Variants in ZBTB20 observed in about 807,000 individuals in gnomAD.
ZBTB20 encodes zinc finger and BTB domain containing 20, also known as zinc finger and BTB domain-containing protein 20.
ZBTB20 carries 9 observed loss-of-function variants against 56.9 expected under a neutral mutation model. The ratio of observed to expected loss-of-function variants is 0.16; its 90% CI spans 0.10 to 0.28. The LOEUF (loss-of-function observed/expected upper bound fraction) is 0.28. ZBTB20 is among the 10% of genes least tolerant of loss of function. The probability of loss-of-function intolerance (pLI) is 1.00; values close to 1 mark genes in which losing one functional copy is unlikely to be tolerated. For synonymous variants in ZBTB20, 417 were observed against 420.7 expected (o/e 0.99, Z 0.11); for missense variants, 655 against 1,003.0 (o/e 0.65, Z 4.69).
chr3:114,841,768 G>A (rs935136397), intron 4 of ZBTB20, among the ~76,000 whole-genome samples: 13 of 152,116 alleles, frequency 8.5e-5, no homozygotes, highest in Non-Finnish European at 1.8e-4. Flanking sequence ...AAGAGAAGAG[G>A]TCTAGAAGGC....
chr3:115,043,603 A>AAATAAAATAAAATAG, intron 2 of ZBTB20, among the ~76,000 whole-genome samples: 1 of 146,866 alleles, frequency 6.8e-6, no homozygotes, highest in Admixed American at 6.8e-5. Flanking sequence ...AAATAAAATA[A>AAATAAAATAAAATAG]AATAAAATAA....
At chr3:114,720,776 G>C (rs924030334) in intron 5 of ZBTB20, among the ~76,000 whole-genome samples, 1 of 152,026 alleles carries the variant, frequency 6.6e-6, no homozygotes, top group Non-Finnish European at 1.5e-5. Context: ...AGATGCTATT[G>C]GGTAAATAAT....
intron 5 of ZBTB20, among the ~76,000 whole-genome samples, chr3:114,728,898 C>A (rs181017269): frequency 3.1e-4 from 47 of 152,162 alleles, no homozygotes; most frequent in Non-Finnish European, 5.6e-4. Context: ...TGAGAAGTGT[C>A]TTTTCATGTC....
intron 5 of ZBTB20, among the ~76,000 whole-genome samples, chr3:114,767,243 G>T (rs2068848327): frequency 6.6e-6 from 1 of 151,950 alleles, no homozygotes. Flanking sequence ...TAAGGAATAG[G>T]TTTTGCATAG....
chr3:114,499,703 C>T (rs905701735), intron 7 of ZBTB20, among the ~76,000 whole-genome samples: 2 of 152,040 alleles, frequency 1.3e-5, no homozygotes, highest in East Asian at 1.9e-4. Context: ...AAATAATGAA[C>T]GTTCTCTTTT....
intron 2 of ZBTB20, among the ~76,000 whole-genome samples, chr3:114,981,876 C>T (rs1473355218): frequency 6.6e-6 from 1 of 151,948 alleles, no homozygotes; most frequent in African/African-American, 2.4e-5. Context: ...GATGGTTTTT[C>T]TTGTGTGTTA....
chr3:114,535,678 G>A (rs1421286346), intron 6 of ZBTB20, among the ~76,000 whole-genome samples: 1 of 152,142 alleles, frequency 6.6e-6, no homozygotes, highest in Non-Finnish European at 1.5e-5. Context: ...ACCTGGCAGA[G>A]TCACAACAAA....
intron 6 of ZBTB20, among the ~76,000 whole-genome samples, chr3:114,549,165 C>G (rs1306042860): frequency 6.6e-6 from 1 of 152,156 alleles, no homozygotes; most frequent in African/African-American, 2.4e-5. Context: ...CACTAAATAT[C>G]TAATCAAAGA....
chr3:114,858,428 A>G (rs1412364695), intron 4 of ZBTB20, among the ~76,000 whole-genome samples: 1 of 152,164 alleles, frequency 6.6e-6, no homozygotes, highest in East Asian at 1.9e-4. Context: ...AGCTTGATGA[A>G]GAGAACATGA....
chr3:114,841,609 G>A (rs1032377358), intron 4 of ZBTB20, among the ~76,000 whole-genome samples: 1 of 152,166 alleles, frequency 6.6e-6, no homozygotes, highest in Non-Finnish European at 1.5e-5. Context: ...CCAGGTGATT[G>A]ACTGCATGTG....
chr3:114,614,163 A>G (rs1168677482), intron 6 of ZBTB20, among the ~76,000 whole-genome samples: 1 of 152,218 alleles, frequency 6.6e-6, no homozygotes, highest in Non-Finnish European at 1.5e-5. Flanking sequence ...TGGAGCTTAT[A>G]GATGTCTACA....
chr3:114,492,007 A>G (rs983322254), intron 7 of ZBTB20, among the ~76,000 whole-genome samples: 1 of 152,106 alleles, frequency 6.6e-6, no homozygotes, highest in African/African-American at 2.4e-5. Context: ...CACATCACTG[A>G]CCACTACCTT....
rs2079164184 is a variant in ZBTB20 at position 114,329,407 on chromosome 3, A to G, written c.*9598T>C. On this transcript the variant is annotated 3_prime_UTR_variant, in exon 12 of 12. Coordinates refer to ENST00000675478, the MANE Select transcript of ZBTB20 (RefSeq NM_001348800.3). The stretch of plus-strand genomic sequence containing the variant: ...TTTATTCAACTGAGGCTTTCCATGC[A>G]TTGGGTTGAATAGCTGAGGGAAGCT... The G allele has an allele frequency of 6.6e-6, 1 of 152,138 alleles. No homozygotes were observed. Among genetic ancestry groups the G allele is most frequent in the Non-Finnish European group, 1.5e-5 (1 of 68,020 alleles). The allele number at this position is 152,138 out of a possible 1,614,324, so 9.4% of individuals were successfully genotyped here.
chr3:114,520,408 T>C (rs1356481346), intron 6 of ZBTB20, among the ~76,000 whole-genome samples: 3 of 152,168 alleles, frequency 2.0e-5, no homozygotes, highest in Non-Finnish European at 2.9e-5. Context: ...TTGTTCGGCA[T>C]GAGATTTTGA....
intron 7 of ZBTB20, among the ~76,000 whole-genome samples, chr3:114,453,216 T>C (rs1237854596): frequency 1.3e-5 from 2 of 152,162 alleles, no homozygotes. Flanking sequence ...AACACAAAGC[T>C]ACGTGGCAAT....
At chr3:115,007,983 A>G (rs1212160559) in intron 2 of ZBTB20, among the ~76,000 whole-genome samples, 1 of 151,468 alleles carries the variant, frequency 6.6e-6, no homozygotes, top group African/African-American at 2.4e-5. Context: ...TCTTGACCCT[A>G]TATATGGGTT....
At chr3:114,412,135 G>T (rs191114007) in intron 7 of ZBTB20, among the ~76,000 whole-genome samples, 309 of 152,200 alleles carry the variant, frequency 2.0e-3, no homozygotes, top group Non-Finnish European at 3.4e-3. Flanking sequence ...CTATCTTTGT[G>T]GCGGTGACAT....
chr3:114,732,521 AG>A (rs2065835656), intron 5 of ZBTB20, among the ~76,000 whole-genome samples: 1 of 152,274 alleles, frequency 6.6e-6, no homozygotes, highest in Middle Eastern at 3.4e-3. Context: ...ATCTCCACAC[AG>A]GGCTCTGCAT....
intron 4 of ZBTB20, among the ~76,000 whole-genome samples, chr3:114,896,470 A>T (rs1053764521): frequency 6.6e-6 from 1 of 152,138 alleles, no homozygotes; most frequent in Non-Finnish European, 1.5e-5. Flanking sequence ...TGCTGAGGAC[A>T]TTACGCTAAG....
Sources: allele counts gnomAD v4.1 joint callset (sites outside exome capture counted in the v4.1 genomes callset), GRCh38; gene constraint gnomAD v4.1.1; transcripts MANE v1.5; gene names NCBI Gene and HGNC (gene_info 2026-07-23, HGNC 2026-07-21).